The following NAV2 variants were observed in gnomAD, a reference collection of about 807,000 sequenced individuals.
NAV2 encodes neuron navigator 2.
A neutral mutation model predicts 223.2 loss-of-function variants in NAV2; 54 were observed. The ratio of observed to expected loss-of-function variants is 0.24; its 90% CI spans 0.19 to 0.30. The LOEUF is 0.30. Ranked by LOEUF, NAV2 falls within the 10% of genes least tolerant of loss-of-function variation. The pLI is 1.00. For missense variants in NAV2, 2,806 were observed against 3,147.5 expected (o/e 0.89, Z 2.60); for synonymous variants, 1,279 against 1,239.3 (o/e 1.03, Z -0.67).
At chr11:19,464,603 A>G (rs1852283791) in intron 1 of NAV2, among the ~76,000 whole-genome samples, 2 of 152,332 alleles carry the variant, frequency 1.3e-5, no homozygotes, top group Non-Finnish European at 1.5e-5. Flanking sequence ...TTTCATCTAT[A>G]ATATTCCTTG....
intron 1 of NAV2, among the ~76,000 whole-genome samples, chr11:19,402,770 C>G (rs1357894016): frequency 1.3e-5 from 2 of 152,218 alleles, no homozygotes; most frequent in African/African-American, 4.8e-5. Context: ...GCATTGCTCA[C>G]TGTAGTTACC....
intron 1 of NAV2, among the ~76,000 whole-genome samples, chr11:19,796,124 A>T (rs1185963720): frequency 6.6e-6 from 1 of 152,216 alleles, no homozygotes; most frequent in East Asian, 1.9e-4. Flanking sequence ...ATAGCCCAGG[A>T]ACTAGGAACC....
chr11:19,921,904 A>G (rs1242912841), intron 6 of NAV2, among the ~76,000 whole-genome samples: 2 of 152,232 alleles, frequency 1.3e-5, no homozygotes, highest in East Asian at 3.8e-4. Context: ...CCTTCTTAAC[A>G]TGTGTTGTTA....
At chr11:19,948,630 C>T in intron 9 of NAV2, 61 bp from the exon 10 acceptor site, 5 of 1,468,074 alleles carry the variant, frequency 3.4e-6, no homozygotes, top group Non-Finnish European at 4.5e-6. Context: ...AATTAAAGAA[C>T]ATATAAACTG....
At chr11:19,668,014 C>A (rs1013808391) in intron 1 of NAV2, among the ~76,000 whole-genome samples, 7 of 152,182 alleles carry the variant, frequency 4.6e-5, no homozygotes, top group African/African-American at 1.7e-4. Context: ...CCCCCAAACT[C>A]CCCCAGCCCA....
chr11:20,063,123 G>A (rs999392243), intron 20 of NAV2, among the ~76,000 whole-genome samples: 2 of 152,120 alleles, frequency 1.3e-5, no homozygotes, highest in Admixed American at 1.3e-4. Flanking sequence ...GGACATTTTT[G>A]TTTTTATTCC....
chr11:19,843,261 A>G (rs11025285), intron 3 of NAV2, among the ~76,000 whole-genome samples: 23,710 of 152,196 alleles, frequency 0.16, 2,069 homozygotes, highest in East Asian at 0.36. Flanking sequence ...CCACATCAAT[A>G]TGTGTTTGTG....
At chr11:19,729,517 T>TTA (rs2051557628) in intron 1 of NAV2, among the ~76,000 whole-genome samples, 1 of 152,246 alleles carries the variant, frequency 6.6e-6, no homozygotes, top group Non-Finnish European at 1.5e-5. Flanking sequence ...CCAAGATGGC[T>TTA]GGCTTTAAGT....
At chr11:19,936,839 G>A (rs1011654491) in intron 7 of NAV2, among the ~76,000 whole-genome samples, 2 of 152,124 alleles carry the variant, frequency 1.3e-5, no homozygotes, top group Admixed American at 1.3e-4. Flanking sequence ...AGGGGCTCAT[G>A]TTTAAAACCA....
Position 19,929,493 on chromosome 11 carries a change from T to G in NAV2, c.932-3683T>G, listed in dbSNP as rs920451259. The stretch of plus-strand genomic sequence containing the variant: ...CCTAGTGCCCCCTATCTAGCACCAC[T>G]CAAGACTCCTGCTCTAGAAACCAAA... On this transcript the variant is annotated intron_variant, in intron 6 of 37. Coordinates refer to ENST00000349880, the MANE Select transcript of NAV2 (RefSeq NM_145117.5). 3.9e-5 allele frequency among the ~76,000 whole-genome samples: 6 copies of G among 152,114 alleles called. No individual in the cohort carries two copies. In the South Asian group the frequency reaches 6.2e-4, roughly 16 times the overall value.
intron 11 of NAV2, among the ~76,000 whole-genome samples, chr11:19,999,269 C>T (rs1201264656): frequency 6.6e-6 from 1 of 152,216 alleles, no homozygotes; most frequent in Non-Finnish European, 1.5e-5. Flanking sequence ...AGAGAGATAA[C>T]CATGGCCCAA....
At chr11:19,364,625 T>C (rs1478913811) in intron 1 of NAV2, among the ~76,000 whole-genome samples, 2 of 152,188 alleles carry the variant, frequency 1.3e-5, no homozygotes, top group Non-Finnish European at 2.9e-5. Context: ...CAGTGTCTGC[T>C]TAGAGCCCCT....
At chr11:19,773,902 G>C (rs1850177564) in intron 1 of NAV2, among the ~76,000 whole-genome samples, 1 of 152,098 alleles carries the variant, frequency 6.6e-6, no homozygotes, top group Admixed American at 6.5e-5. Flanking sequence ...GCTGTTACTA[G>C]GTCTTCTTAA....
chr11:20,053,218 G>GAAAAAAA (rs60421659), intron 17 of NAV2, among the ~76,000 whole-genome samples: 1 of 40,974 alleles, frequency 2.4e-5, no homozygotes, highest in African/African-American at 1.0e-4. Flanking sequence ...ACTACGTCTC[G>GAAAAAAA]AAAAAAAAAA....
chr11:19,720,071 G>A (rs758315135), intron 1 of NAV2, among the ~76,000 whole-genome samples: 1 of 152,204 alleles, frequency 6.6e-6, no homozygotes, highest in African/African-American at 2.4e-5. Context: ...CTCCCAGCAG[G>A]CATGGTTGTA....
intron 1 of NAV2, among the ~76,000 whole-genome samples, chr11:19,408,833 G>A (rs529082830): frequency 9.2e-5 from 14 of 152,260 alleles, no homozygotes; most frequent in African/African-American, 2.9e-4. Context: ...GTGGGGGGAT[G>A]TTAATACTCC....
intron 11 of NAV2, among the ~76,000 whole-genome samples, chr11:20,012,448 G>A (rs2053635305): frequency 6.6e-6 from 1 of 152,138 alleles, no homozygotes; most frequent in Admixed American, 6.5e-5. Context: ...GGCCGAGGCA[G>A]GTGGATCACC....
At chr11:20,112,187 A>G (rs529749397) in intron 36 of NAV2, among the ~76,000 whole-genome samples, 12 of 152,174 alleles carry the variant, frequency 7.9e-5, no homozygotes, top group Non-Finnish European at 1.3e-4. Context: ...CCACTTTTGC[A>G]TTCTCTTCTG....
intron 1 of NAV2, among the ~76,000 whole-genome samples, chr11:19,406,447 C>G (rs1849900381): frequency 6.6e-6 from 1 of 152,140 alleles, no homozygotes; most frequent in Non-Finnish European, 1.5e-5. Context: ...GAAAAGGGAA[C>G]ATAGAAACAG....
Sources: allele counts gnomAD v4.1 joint callset (sites outside exome capture counted in the v4.1 genomes callset), GRCh38; gene constraint gnomAD v4.1.1; transcripts MANE v1.5; gene names NCBI Gene and HGNC (gene_info 2026-07-23, HGNC 2026-07-21).